Variants in TRAIP observed in about 807,000 individuals in gnomAD.
TRAIP encodes the protein E3 ubiquitin-protein ligase TRAIP.
Under a neutral mutation model 65.0 loss-of-function variants are expected in TRAIP, and 37 were observed. The observed-to-expected ratio is 0.57, with a 90% confidence interval of 0.44 to 0.75. The LOEUF (loss-of-function observed/expected upper bound fraction) is 0.75. Among genes scored for constraint, TRAIP ranks in the 30% least tolerant of loss-of-function variants. The pLI is 0.00. For synonymous variants in TRAIP, 187 were observed against 219.1 expected (o/e 0.85, Z 1.29); for missense variants, 481 against 579.4 (o/e 0.83, Z 1.74).
At chr3:49,856,051 A>C (rs1397443981) in intron 1 of TRAIP, among the ~76,000 whole-genome samples, 3 of 152,230 alleles carry the variant, frequency 2.0e-5, no homozygotes, top group Admixed American at 6.5e-5. Flanking sequence ...GATGTGGTGA[A>C]AGCTCACCCT....
At chr3:49,840,663 C>T (rs2081831431) in intron 8 of TRAIP, 2 of 557,924 alleles carry the variant, frequency 3.6e-6, no homozygotes, top group Non-Finnish European at 6.4e-6. Context: ...AGATGTGGTA[C>T]AAAAATAGGC....
At chr3:49,846,219 AT>A (rs539951795) in intron 3 of TRAIP, among the ~76,000 whole-genome samples, 1 of 151,642 alleles carries the variant, frequency 6.6e-6, no homozygotes, top group Non-Finnish European at 1.5e-5. Context: ...TCCCTAGGCA[AT>A]TTTTTTTCTT....
chr3:49,835,530 C>T (rs2081776158), intron 10 of TRAIP, among the ~76,000 whole-genome samples: 1 of 152,038 alleles, frequency 6.6e-6, no homozygotes, highest in African/African-American at 2.4e-5. Flanking sequence ...GTACTTGATG[C>T]CACAGAAATG....
At chr3:49,841,790 T>C in intron 7 of TRAIP, 36 bp downstream of exon 7, 1 of 1,575,162 alleles carries the variant, frequency 6.3e-7, no homozygotes, top group South Asian at 1.1e-5. Context: ...CCATGGCCTA[T>C]CTCCTGTGTT....
chr3:49,844,323 C>CA (rs2108317448), intron 4 of TRAIP, among the ~76,000 whole-genome samples: 1 of 152,260 alleles, frequency 6.6e-6, no homozygotes, highest in East Asian at 1.9e-4. Context: ...AAGCTGCACT[C>CA]AGAGACAAGA....
rs533710083 is a variant in TRAIP, at chr3:49,850,490, C to T, written c.99-2290G>A. 6.9e-5 allele frequency among the ~76,000 whole-genome samples: 10 copies of T among 145,952 alleles called. No individual in the cohort carries two copies. In the South Asian group the frequency reaches 2.2e-3, roughly 32 times the overall value. Reference sequence around the variant, plus strand: ...CTCCAGCGTGAGGGACATAGTGAGACTCTGTCTCAAAAAAAAAAAAAGTAG... The same window carrying T: ...CTCCAGCGTGAGGGACATAGTGAGATTCTGTCTCAAAAAAAAAAAAAGTAG... On this transcript the variant is annotated intron_variant, in intron 1 of 14. Transcript: ENST00000331456.
intron 1 of TRAIP, among the ~76,000 whole-genome samples, chr3:49,855,792 T>C (rs1016662579): frequency 6.6e-6 from 1 of 152,172 alleles, no homozygotes; most frequent in African/African-American, 2.4e-5. Context: ...GCTAGGGGAA[T>C]CTTTCCCCAC....
chr3:49,847,713 C>T (rs2081897380), intron 2 of TRAIP, 105 bp from the exon 3 acceptor site: 1 of 746,542 alleles, frequency 1.3e-6, no homozygotes, highest in Non-Finnish European at 2.3e-6. Flanking sequence ...GCATGTCAGG[C>T]CTGTTCTCAG....
At chr3:49,842,340 A>T (rs996913708) in intron 6 of TRAIP, 113 bp downstream of exon 6, 1 of 1,037,698 alleles carries the variant, frequency 9.6e-7, no homozygotes, top group Non-Finnish European at 1.5e-6. Flanking sequence ...TGGCCTATGG[A>T]GATTTGAGCC....
chr3:49,848,451 T>G (rs1299492483), intron 1 of TRAIP, among the ~76,000 whole-genome samples: 1 of 152,190 alleles, frequency 6.6e-6, no homozygotes, highest in East Asian at 1.9e-4. Flanking sequence ...GGCAACATTC[T>G]GGGCTTTGAC....
At chr3:49,832,136 T>G in intron 10 of TRAIP, 68 bp from the exon 11 acceptor site, 1 of 1,460,778 alleles carries the variant, frequency 6.8e-7, no homozygotes, top group South Asian at 1.5e-5. Context: ...TCCTGAAGCA[T>G]CAGAGATAAC....
intron 6 of TRAIP, 23 bp downstream of exon 6, chr3:49,842,430 G>A: frequency 5.0e-6 from 8 of 1,612,144 alleles, no homozygotes; most frequent in Non-Finnish European, 6.8e-6. Flanking sequence ...AAGGCACAGT[G>A]CAGGACCCAG....
At position 49,836,490 on chromosome 3, in the gene TRAIP, CAAA is replaced by C. The variant is rs570277717; in HGVS notation, c.884+3279_884+3281del. 4.5e-3 allele frequency among the ~76,000 whole-genome samples: 681 copies of C among 149,988 alleles called. 4 individuals carry two copies. The highest frequency in any genetic ancestry group is 0.011 in the African/African-American group (451 of 40,740). ...TAGGCAACAGAGCAAGACACTGTTT[CAAA>C]AAAAAGAAAAGAAAAGAAAAGGAAA... On this transcript the variant is annotated intron_variant, in intron 10 of 14. Transcript: ENST00000331456.
intron 1 of TRAIP, among the ~76,000 whole-genome samples, chr3:49,852,004 C>T (rs1008362665): frequency 6.7e-6 from 1 of 150,044 alleles, no homozygotes; most frequent in Non-Finnish European, 1.5e-5. Flanking sequence ...GCCAAAAAAA[C>T]ATTTTTTTAA....
At chr3:49,854,902 CAA>C (rs150825599) in intron 1 of TRAIP, among the ~76,000 whole-genome samples, 1 of 131,688 alleles carries the variant, frequency 7.6e-6, no homozygotes. Context: ...ACTAAAAATA[CAA>C]AAAAAAAAAA....
At chr3:49,839,995 G>T in intron 9 of TRAIP, 135 bp from the exon 10 acceptor site, 2 of 890,464 alleles carry the variant, frequency 2.2e-6, no homozygotes, top group Non-Finnish European at 3.6e-6. Context: ...TCATCATTAG[G>T]CTCAGGAGGC....
chr3:49,841,737 A>G, intron 7 of TRAIP, 89 bp downstream of exon 7: 1 of 1,047,860 alleles, frequency 9.5e-7, no homozygotes, highest in Non-Finnish European at 1.5e-6. Flanking sequence ...CCTTAGTTCC[A>G]TCTGCTTTAC....
rs946235055 is a variant in TRAIP, at chr3:49,839,062, G to A, written c.884+710C>T. Among the ~76,000 whole-genome samples, 5 of 151,656 alleles carry A rather than the reference G, an allele frequency of 3.3e-5. No homozygotes were observed. In the East Asian group the frequency reaches 9.7e-4, roughly 29 times the overall value. ...AAATTAGCCAGGCGTGGTGGTGCGC[G>A]CCTGTAATCCCAGCTACTCAGGAGG... On this transcript the variant is annotated intron_variant, in intron 10 of 14. Coordinates refer to ENST00000331456, the MANE Select transcript of TRAIP (RefSeq NM_005879.3).
chr3:49,842,695 G>C, intron 5 of TRAIP, 148 bp from the exon 6 acceptor site: 5 of 694,200 alleles, frequency 7.2e-6, no homozygotes, highest in Non-Finnish European at 1.2e-5. Context: ...AGGAGGTAAA[G>C]CTCCTGGGTC....
Sources: allele counts gnomAD v4.1 joint callset (sites outside exome capture counted in the v4.1 genomes callset), GRCh38; gene constraint gnomAD v4.1.1; transcripts MANE v1.5; gene names NCBI Gene and HGNC (gene_info 2026-07-23, HGNC 2026-07-21).